Variants in TRDN observed in about 807,000 individuals in gnomAD.
TRDN encodes triadin.
TRDN carries 161 observed loss-of-function variants against 149.7 expected under a neutral mutation model. That is an observed-to-expected ratio of 1.08 (90% CI 0.95 to 1.23). The LOEUF (loss-of-function observed/expected upper bound fraction) is 1.23, where lower values mean the gene tolerates loss of function less well. Among genes scored for constraint, TRDN ranks in the 50% most tolerant of loss-of-function variants. The probability of loss-of-function intolerance (pLI) is 0.00; values close to 1 mark genes in which losing one functional copy is unlikely to be tolerated. For missense variants in TRDN, 896 were observed against 823.5 expected (o/e 1.09, Z -1.08); for synonymous variants, 294 against 250.5 (o/e 1.17, Z -1.64).
chr6:123,220,973 T>C (rs919477227), intron 40 of TRDN, among the ~76,000 whole-genome samples: 4 of 151,820 alleles, frequency 2.6e-5, no homozygotes, highest in African/African-American at 9.7e-5. Context: ...ATTTTGTAAC[T>C]GCACATGAAT....
intron 5 of TRDN, among the ~76,000 whole-genome samples, chr6:123,527,877 A>G (rs533577706): frequency 4.6e-5 from 7 of 151,864 alleles, no homozygotes; most frequent in Admixed American, 1.3e-4. Context: ...AAAATAAAAT[A>G]AATTTCTACC....
At chr6:123,440,034 A>G (rs1420656678) in intron 10 of TRDN, among the ~76,000 whole-genome samples, 1 of 152,162 alleles carries the variant, frequency 6.6e-6, no homozygotes, top group African/African-American at 2.4e-5. Context: ...TTATTATGCT[A>G]AAGAAATTCA....
intron 1 of TRDN, among the ~76,000 whole-genome samples, chr6:123,618,081 G>T (rs1230863065): frequency 6.6e-6 from 1 of 152,032 alleles, no homozygotes; most frequent in Non-Finnish European, 1.5e-5. Context: ...TTTTATATGA[G>T]CCCTCTAAAA....
At chr6:123,282,002 A>C (rs893599131) in intron 24 of TRDN, among the ~76,000 whole-genome samples, 8 of 151,962 alleles carry the variant, frequency 5.3e-5, no homozygotes, top group African/African-American at 1.9e-4. Flanking sequence ...TTAAGATGAG[A>C]TCATTATCCT....
At chr6:123,451,506 T>C (rs1775767725) in intron 10 of TRDN, among the ~76,000 whole-genome samples, 1 of 152,128 alleles carries the variant, frequency 6.6e-6, no homozygotes, top group African/African-American at 2.4e-5. Flanking sequence ...CTAGAAGAGA[T>C]GGATAAATTC....
At chr6:123,514,397 G>C (rs1182087858) in intron 6 of TRDN, among the ~76,000 whole-genome samples, 2 of 152,012 alleles carry the variant, frequency 1.3e-5, no homozygotes, top group East Asian at 1.9e-4. Context: ...GAAAATATTG[G>C]TGGCTATTGA....
chr6:123,385,014 G>T (rs2114431149), intron 14 of TRDN, among the ~76,000 whole-genome samples: 1 of 152,202 alleles, frequency 6.6e-6, no homozygotes, highest in South Asian at 2.1e-4. Context: ...GAACATTGAG[G>T]CTCCCAGCAC....
At chr6:123,596,560 A>G (rs1293618577) in intron 1 of TRDN, among the ~76,000 whole-genome samples, 1 of 152,144 alleles carries the variant, frequency 6.6e-6, no homozygotes, top group Non-Finnish European at 1.5e-5. Context: ...CCTAGAGAGA[A>G]GTCAATGCTT....
chr6:123,325,609 T>A (rs1236820645), intron 23 of TRDN, among the ~76,000 whole-genome samples: 1 of 152,032 alleles, frequency 6.6e-6, no homozygotes, highest in Non-Finnish European at 1.5e-5. Context: ...ACAAAATAAA[T>A]CCCTGTTATA....
intron 13 of TRDN, 88 bp downstream of exon 13, chr6:123,393,536 T>G: frequency 1.7e-6 from 2 of 1,208,846 alleles, no homozygotes; most frequent in Non-Finnish European, 2.3e-6. Context: ...ATGGTGCTAT[T>G]CTGCAATAAA....
chr6:123,626,046 C>T (rs1300719792), intron 1 of TRDN, among the ~76,000 whole-genome samples: 1 of 152,162 alleles, frequency 6.6e-6, no homozygotes, highest in African/African-American at 2.4e-5. Flanking sequence ...AGTTAATCCT[C>T]TTAAACCCAG....
intron 6 of TRDN, among the ~76,000 whole-genome samples, chr6:123,514,388 A>G (rs1380054793): frequency 6.6e-6 from 1 of 152,092 alleles, no homozygotes; most frequent in African/African-American, 2.4e-5. Context: ...AAACTTGAGG[A>G]AAATATTGGT....
In TRDN at chr6:123,339,834, G is replaced by A. The variant is rs570665880; in HGVS notation, c.1370-2165C>T. Among the ~76,000 whole-genome samples, 5 of 152,204 alleles carry A rather than the reference G, an allele frequency of 3.3e-5. No homozygotes were observed. In the South Asian group the frequency reaches 1.0e-3, roughly 32 times the overall value. ...AAATCCAATCTCATATAATTTGTCTGTATTGACATATCATTTATATATTGG... is the reference window on the plus strand; with the variant it reads ...AAATCCAATCTCATATAATTTGTCTATATTGACATATCATTTATATATTGG... On this transcript the variant is annotated intron_variant, in intron 21 of 40. Coordinates refer to ENST00000334268, the MANE Select transcript of TRDN (RefSeq NM_006073.4).
chr6:123,557,129 C>T (rs140987579), intron 2 of TRDN, among the ~76,000 whole-genome samples: 2,431 of 133,044 alleles, frequency 0.018, 65 homozygotes, highest in African/African-American at 0.063. Context: ...TCTTATAAAA[C>T]GGCCGCACCC....
rs1412913007 is a variant in TRDN, at chr6:123,265,327, GT to G, written c.1794del (p.Lys598AsnfsTer31). ...AAAATGGTACACTTACTTGGAGTTG[GT>G]TTTGGTTTGTCTAAAAAGGAAAAAA... ...EPPSIKTDKPKPTPKGTSEVT... is the reference protein window; with the variant it reads ...EPPSIKTDKPXPTPKGTSEVT... On this transcript the variant is annotated frameshift_variant, in exon 33 of 41. Coordinates refer to ENST00000334268, the MANE Select transcript of TRDN (RefSeq NM_006073.4). LOFTEE classifies it high-confidence loss of function. The G allele has an allele frequency of 5.6e-6, 8 of 1,420,110 alleles. No individual in the cohort carries two copies. The highest frequency in any genetic ancestry group is 2.7e-5 in the East Asian group (1 of 37,510). The allele number at this position is 1,420,110 out of a possible 1,614,324, so 88.0% of individuals were successfully genotyped here.
intron 12 of TRDN, among the ~76,000 whole-genome samples, chr6:123,400,277 A>G (rs1218984058): frequency 6.6e-6 from 1 of 151,388 alleles, no homozygotes; most frequent in Non-Finnish European, 1.5e-5. Context: ...AATTTTAAAA[A>G]TTAAATAAGG....
At chr6:123,625,653 C>T (rs60918758) in intron 1 of TRDN, among the ~76,000 whole-genome samples, 40,874 of 151,944 alleles carry the variant, frequency 0.27, 5,692 homozygotes, top group East Asian at 0.43. Flanking sequence ...ATGGATACCC[C>T]GCTTATCCTG....
intron 1 of TRDN, among the ~76,000 whole-genome samples, chr6:123,621,307 G>A (rs188433807): frequency 2.0e-5 from 3 of 152,030 alleles, no homozygotes; most frequent in African/African-American, 7.2e-5. Flanking sequence ...TAAAAAACAG[G>A]ACGTTTCTAG....
chr6:123,438,454 G>A (rs1199288549), intron 11 of TRDN, among the ~76,000 whole-genome samples: 1 of 151,970 alleles, frequency 6.6e-6, no homozygotes, highest in African/African-American at 2.4e-5. Context: ...TGTTCTCTGA[G>A]CTATGAGGTC....
Sources: gnomAD v4.1 joint callset for allele counts (sites outside exome capture counted in the v4.1 genomes callset) on GRCh38, gnomAD v4.1.1 for gene constraint, MANE v1.5 for transcripts, NCBI Gene and HGNC (gene_info 2026-07-23, HGNC 2026-07-21) for gene names.